ATRNL1: variants seen among roughly 807,000 people sequenced by gnomAD.
ATRNL1 encodes attractin-like protein 1.
In ATRNL1, 95 loss-of-function variants were observed where a neutral mutation model predicts 182.7. That is an observed-to-expected ratio of 0.52 (90% CI 0.44 to 0.62). The LOEUF is 0.62. Ranked by LOEUF, ATRNL1 falls within the 20% of genes least tolerant of loss-of-function variation. ATRNL1 has a pLI of 0.00. For missense variants in ATRNL1, 1,471 were observed against 1,679.5 expected (o/e 0.88, Z 2.17); for synonymous variants, 576 against 568.3 (o/e 1.01, Z -0.19).
chr10:115,285,933 A>G (rs909646272), intron 14 of ATRNL1, among the ~76,000 whole-genome samples: 91 of 152,066 alleles, frequency 6.0e-4, no homozygotes, highest in African/African-American at 2.1e-3. Flanking sequence ...GAAATACCAT[A>G]TGCCAATATA....
At chr10:115,702,582 T>G (rs1946772604) in intron 26 of ATRNL1, among the ~76,000 whole-genome samples, 2 of 151,966 alleles carry the variant, frequency 1.3e-5, no homozygotes, top group African/African-American at 4.8e-5. Context: ...AATCAACAAC[T>G]TCAGCGAGGT....
intron 8 of ATRNL1, among the ~76,000 whole-genome samples, chr10:115,181,528 G>C (rs1376755408): frequency 1.3e-5 from 2 of 151,718 alleles, no homozygotes; most frequent in African/African-American, 4.8e-5. Flanking sequence ...GTAATTACCA[G>C]ATGGGTCTGT....
chr10:115,357,340 G>T (rs74362747), intron 19 of ATRNL1, among the ~76,000 whole-genome samples: 1,911 of 151,904 alleles, frequency 0.013, 39 homozygotes, highest in African/African-American at 0.043. Context: ...GTTTTATTCT[G>T]ATATTTGTAC....
At chr10:115,622,098 C>T (rs1437449380) in intron 26 of ATRNL1, among the ~76,000 whole-genome samples, 2 of 152,138 alleles carry the variant, frequency 1.3e-5, no homozygotes, top group Admixed American at 6.6e-5. Context: ...CCACTTCTGA[C>T]TCTAGATATG....
intron 26 of ATRNL1, among the ~76,000 whole-genome samples, chr10:115,616,120 T>C (rs1592952205): frequency 1.3e-5 from 2 of 152,112 alleles, no homozygotes; most frequent in Admixed American, 6.5e-5. Flanking sequence ...GAGACCTCAG[T>C]TGGAAATGAG....
chr10:115,676,633 A>G (rs1399724156), intron 26 of ATRNL1, among the ~76,000 whole-genome samples: 8 of 151,984 alleles, frequency 5.3e-5, no homozygotes, highest in Non-Finnish European at 8.8e-5. Context: ...TAAGAACACA[A>G]TTCTGAACTT....
chr10:115,594,351 C>CT (rs1291312915), intron 26 of ATRNL1, among the ~76,000 whole-genome samples: 1 of 151,864 alleles, frequency 6.6e-6, no homozygotes, highest in African/African-American at 2.4e-5. Context: ...ATGAGCTTTT[C>CT]TTTTTTAATC....
At chr10:115,534,625 A>T (rs1316152814) in intron 25 of ATRNL1, among the ~76,000 whole-genome samples, 1 of 152,048 alleles carries the variant, frequency 6.6e-6, no homozygotes, top group Non-Finnish European at 1.5e-5. Context: ...TAATATTGTT[A>T]TGTGTGAATT....
intron 26 of ATRNL1, among the ~76,000 whole-genome samples, chr10:115,683,014 G>A (rs189716647): frequency 2.0e-5 from 3 of 151,932 alleles, no homozygotes; most frequent in Admixed American, 2.0e-4. Flanking sequence ...GGGGGATGGG[G>A]AAACAATCAA....
At chr10:115,409,281 C>G (rs1175625210) in intron 20 of ATRNL1, among the ~76,000 whole-genome samples, 1 of 152,052 alleles carries the variant, frequency 6.6e-6, no homozygotes, top group African/African-American at 2.4e-5. Context: ...AGTTCTTTCA[C>G]CTCCTTGGTT....
At chr10:115,772,916 G>A (rs1001438450) in intron 27 of ATRNL1, among the ~76,000 whole-genome samples, 12 of 152,136 alleles carry the variant, frequency 7.9e-5, no homozygotes, top group African/African-American at 2.7e-4. Flanking sequence ...AAAGAGCATG[G>A]AGGGAAATTG....
chr10:115,764,932 C>T (rs1204171228), intron 27 of ATRNL1, among the ~76,000 whole-genome samples: 2 of 152,214 alleles, frequency 1.3e-5, no homozygotes, highest in Admixed American at 6.5e-5. Flanking sequence ...CCTTGGCCTC[C>T]CAAATCGCTG....
At chr10:115,790,208 A>G (rs1270230553) in intron 27 of ATRNL1, among the ~76,000 whole-genome samples, 1 of 151,840 alleles carries the variant, frequency 6.6e-6, no homozygotes, top group African/African-American at 2.4e-5. Flanking sequence ...GTGGTCACCC[A>G]GCCTCTACCC....
intron 26 of ATRNL1, among the ~76,000 whole-genome samples, chr10:115,626,388 G>A (rs1475946479): frequency 3.9e-5 from 6 of 152,236 alleles, no homozygotes; most frequent in African/African-American, 9.6e-5. Flanking sequence ...CATACTTAGA[G>A]GTAATAGTAA....
intron 19 of ATRNL1, among the ~76,000 whole-genome samples, chr10:115,349,253 C>T (rs1554940583): frequency 6.6e-6 from 1 of 152,160 alleles, no homozygotes; most frequent in Non-Finnish European, 1.5e-5. Flanking sequence ...ACATAATGTT[C>T]TCTAGTTCCA....
At chr10:115,701,615 A>G (rs1555051543) in intron 26 of ATRNL1, among the ~76,000 whole-genome samples, 1 of 152,016 alleles carries the variant, frequency 6.6e-6, no homozygotes, top group Non-Finnish European at 1.5e-5. Flanking sequence ...ATCAAAGATG[A>G]TATTACAGCC....
chr10:115,773,711 G>A (rs1215243508), intron 27 of ATRNL1, among the ~76,000 whole-genome samples: 1 of 152,136 alleles, frequency 6.6e-6, no homozygotes, highest in African/African-American at 2.4e-5. Flanking sequence ...CATTTTATTT[G>A]ATGGTAGTGA....
intron 27 of ATRNL1, among the ~76,000 whole-genome samples, chr10:115,787,226 A>G (rs1015182829): frequency 6.6e-6 from 1 of 152,154 alleles, no homozygotes; most frequent in Non-Finnish European, 1.5e-5. Flanking sequence ...TTTGTGATTG[A>G]AGGTCATTCT....
At chr10:115,209,845 A>C (rs1554894618) in intron 8 of ATRNL1, among the ~76,000 whole-genome samples, 1 of 151,986 alleles carries the variant, frequency 6.6e-6, no homozygotes, top group African/African-American at 2.4e-5. Flanking sequence ...ATGTGACTCA[A>C]ATTAATCTTG....
Sources: allele counts gnomAD v4.1 joint callset (sites outside exome capture counted in the v4.1 genomes callset), GRCh38; gene constraint gnomAD v4.1.1; transcripts MANE v1.5; gene names NCBI Gene and HGNC (gene_info 2026-07-23, HGNC 2026-07-21).